CYP2U1: variants seen among roughly 807,000 people sequenced by gnomAD.
CYP2U1 encodes cytochrome P450 family 2 subfamily U member 1, also known as cytochrome P450 2U1.
CYP2U1 carries 28 observed loss-of-function variants against 42.8 expected under a neutral mutation model. The ratio of observed to expected loss-of-function variants is 0.65; its 90% CI spans 0.48 to 0.90. The LOEUF (loss-of-function observed/expected upper bound fraction) is 0.90, where lower values mean the gene tolerates loss of function less well. CYP2U1 is among the 40% of genes least tolerant of loss of function. The probability of loss-of-function intolerance (pLI) is 0.00; values close to 1 mark genes in which losing one functional copy is unlikely to be tolerated. For synonymous variants in CYP2U1, 296 were observed against 278.9 expected, an observed-to-expected ratio of 1.06 and a Z score of -0.61; for missense variants, 642 against 693.8, an observed-to-expected ratio of 0.93 and a Z score of 0.84.
chr4:107,932,378 C>G (rs1307437586), intron 1 of CYP2U1, among the ~76,000 whole-genome samples: 1 of 152,160 alleles, frequency 6.6e-6, no homozygotes, highest in Non-Finnish European at 1.5e-5. Context: ...AAAAGTCATC[C>G]GGAGATTGAG....
At chr4:107,942,883 G>C (rs1212197654) in intron 1 of CYP2U1, among the ~76,000 whole-genome samples, 3 of 152,150 alleles carry the variant, frequency 2.0e-5, no homozygotes, top group African/African-American at 7.2e-5. Context: ...CCCATGGTAG[G>C]AGGAGATTTC....
chr4:107,931,668 C>G lies in CYP2U1; in HGVS notation c.25C>G (p.Pro9Ala). 7.9e-7 allele frequency: 1 copy of G among 1,262,114 alleles called. No individual in the cohort carries two copies. The highest frequency in any genetic ancestry group is 3.1e-5 in the South Asian group (1 of 32,360). 78.2% of individuals were successfully genotyped at this position (1,262,114 alleles called of 1,614,324 possible). A position where few individuals can be genotyped will look rare whatever the true frequency, so the allele number is the denominator to read the frequency against. The change falls in exon 1 of 5, where the codon CCG (proline) becomes GCG (alanine). Residue 9 changes from proline to alanine, a missense_variant. Coordinates refer to ENST00000332884, the MANE Select transcript of CYP2U1 (RefSeq NM_183075.3). Reference protein sequence around the residue: MSSPGPSQPPAEDPPWPAR... With the variant: MSSPGPSQAPAEDPPWPAR... ...CATGTCGTCTCCGGGGCCGTCGCAGCCGCCGGCCGAGGACCCGCCCTGGCC... is the reference window on the plus strand; with the variant it reads ...CATGTCGTCTCCGGGGCCGTCGCAGGCGCCGGCCGAGGACCCGCCCTGGCC...
rs200611321 is a variant in CYP2U1 at position 107,945,408 on chromosome 4, A to G, written c.929A>G (p.Asp310Gly). The G allele has an allele frequency of 6.2e-7, 1 of 1,614,086 alleles. No individual in the cohort carries two copies. The highest frequency in any genetic ancestry group is 2.2e-5 in the East Asian group (1 of 44,874). Residue 310 changes from aspartate (D) to glycine (G), a missense_variant, in exon 2 of 5, where the codon GAT becomes GGT. Transcript: ENST00000332884. ...ATCAAAGACCATCAAGAGTCTCTGG[A>G]TAGAGAGAACCCTCAGGACTTCATA... is the stretch of plus-strand genomic sequence containing the variant. ...KIIKDHQESL[D>G]RENPQDFIDM...
chr4:107,944,852 T>TACATATATATA, intron 1 of CYP2U1, 118 bp from the exon 2 acceptor site: 10 of 98,162 alleles, frequency 1.0e-4, no homozygotes, highest in Non-Finnish European at 1.5e-4. Context: ...ATATATATAT[T>TACATATATATA]TATATGAGGA....
In CYP2U1 at chr4:107,932,140, G is replaced by T; in HGVS notation, c.490+7G>T. On this transcript the variant is annotated splice_region_variant and intron_variant, in intron 1 of 4. Coordinates refer to ENST00000332884, the MANE Select transcript of CYP2U1 (RefSeq NM_183075.3). ...ATCGTGACCAAGGAGAAGGGTGAGC[G>T]GGAGGTCGTGGGCTGTGGGTACGCG... is the stretch of plus-strand genomic sequence containing the variant. 1 of 1,599,304 alleles carries T rather than the reference G, an allele frequency of 6.3e-7. No homozygotes were observed. Among genetic ancestry groups the T allele is most frequent in the Non-Finnish European group, 8.5e-7 (1 of 1,174,214 alleles).
chr4:107,950,519 C>A lies in CYP2U1; in HGVS notation c.*96C>A. 7.7e-7 allele frequency: 1 copy of A among 1,306,772 alleles called. No individual in the cohort carries two copies. Among genetic ancestry groups the A allele is most frequent in the Non-Finnish European group, 1.0e-6 (1 of 978,536 alleles). The allele number at this position is 1,306,772 out of a possible 1,614,324, so 80.9% of individuals were successfully genotyped here. On this transcript the variant is annotated 3_prime_UTR_variant, in exon 5 of 5. Transcript: ENST00000332884. ...GCAAAGGACAGTGAATCCAGCAACTCAGTGGATCCAAGCTGGGCTCAGAGG... is the reference window on the plus strand; with the variant it reads ...GCAAAGGACAGTGAATCCAGCAACTAAGTGGATCCAAGCTGGGCTCAGAGG...
Position 107,947,520 on chromosome 4 carries a change from T to C in CYP2U1, c.1271T>C (p.Met424Thr). The C allele has an allele frequency of 1.2e-6, 2 of 1,614,072 alleles. No homozygotes were observed. Among genetic ancestry groups the C allele is most frequent in the Middle Eastern group, 1.7e-4 (1 of 6,060 alleles). The change falls in exon 3 of 5, where the codon ATG (methionine) becomes ACG (threonine). Residue 424 changes from methionine (M) to threonine (T), a missense_variant. Physicochemically the swap from Met to Thr is moderately conservative, Grantham distance 81 (BLOSUM62 -1). Coordinates refer to ENST00000332884, the MANE Select transcript of CYP2U1 (RefSeq NM_183075.3). ...GTGGTGCCGCTTGCCATTCCTCATA[T>C]GACCTCAGAGAACACAGGCAAGTCC... ...TVVVPLAIPH[M>T]TSENTVLQGY...
In CYP2U1 at chr4:107,931,746, G is replaced by A. The variant is rs1369756290; in HGVS notation, c.103G>A (p.Gly35Ser). ...LGLLRLDPSG[G>S]ALLLCGLVAL... ...GCTGCTGCGGCTGGACCCCAGCGGG[G>A]GCGCGCTGCTGCTATGCGGCCTCGT... Residue 35 changes from glycine to serine, a missense_variant, in exon 1 of 5, where the codon GGC becomes AGC. Coordinates refer to ENST00000332884, the MANE Select transcript of CYP2U1 (RefSeq NM_183075.3). 8 of 1,425,202 alleles carry A rather than the reference G, an allele frequency of 5.6e-6. No homozygotes were observed. The Admixed American group carries it at 2.1e-4, about 38-fold the overall frequency. The allele number at this position is 1,425,202 out of a possible 1,614,324, so 88.3% of individuals were successfully genotyped here. A position where few individuals can be genotyped will look rare whatever the true frequency, so the allele number is the denominator to read the frequency against.
rs1424533307 is a variant in CYP2U1 at position 107,951,275 on chromosome 4, A to C, written c.*852A>C. 1 of 152,140 alleles carries C rather than the reference A, an allele frequency of 6.6e-6. No homozygotes were observed. The highest frequency in any genetic ancestry group is 1.5e-5 in the Non-Finnish European group (1 of 68,018). The allele number at this position is 152,140 out of a possible 1,614,324, so 9.4% of individuals were successfully genotyped here. A position where few individuals can be genotyped will look rare whatever the true frequency, so the allele number is the denominator to read the frequency against. ...TGCAAAGATGCAGCTCTACCTTTTT[A>C]CTTAAGGCCTGAATGGTGAGCATGG... is the stretch of plus-strand genomic sequence containing the variant. On this transcript the variant is annotated 3_prime_UTR_variant, in exon 5 of 5. Coordinates refer to ENST00000332884, the MANE Select transcript of CYP2U1 (RefSeq NM_183075.3).
At chr4:107,946,601 C>G (rs1331877219) in intron 2 of CYP2U1, among the ~76,000 whole-genome samples, 2 of 151,944 alleles carry the variant, frequency 1.3e-5, no homozygotes, top group African/African-American at 4.8e-5. Context: ...TGCTGGGTAG[C>G]AAACTACCCC....
At chr4:107,943,407 T>C (rs553674833) in intron 1 of CYP2U1, among the ~76,000 whole-genome samples, 20 of 152,340 alleles carry the variant, frequency 1.3e-4, no homozygotes, top group African/African-American at 4.8e-4. Flanking sequence ...ACATAATCTT[T>C]AGAAATTCGC....
intron 2 of CYP2U1, 123 bp downstream of exon 2, chr4:107,945,728 T>TG (rs781703373): frequency 9.2e-5 from 117 of 1,270,432 alleles, no homozygotes; most frequent in Non-Finnish European, 1.1e-4. Flanking sequence ...AACAAATACT[T>TG]GCAACTCATA....
In CYP2U1 at chr4:107,931,843, C is replaced by T. The variant is rs1286338215; in HGVS notation, c.200C>T (p.Pro67Leu). ...RGIPPGPTPW[P>L]LVGNFGHVLL... is the part of the protein sequence containing the mutation. ...ATCCCGCCCGGGCCCACGCCCTGGC[C>T]TCTGGTGGGCAACTTCGGTCACGTG... Residue 67 changes from proline to leucine, a missense_variant, in exon 1 of 5, where the codon CCT becomes CTT. Transcript: ENST00000332884. The T allele has an allele frequency of 6.5e-6, 10 of 1,542,042 alleles. No homozygotes were observed. In the East Asian group the frequency reaches 1.7e-4, roughly 27 times the overall value.
In CYP2U1 at chr4:107,932,022, G is replaced by T; in HGVS notation, c.379G>T (p.Val127Leu). 6.4e-7 allele frequency: 1 copy of T among 1,564,214 alleles called. No homozygotes were observed. Among genetic ancestry groups the T allele is most frequent in the Non-Finnish European group, 8.7e-7 (1 of 1,154,808 alleles). Reference sequence around the variant, plus strand: ...CAGCTTCTTTATCGGCCACTACCTGGTGGTGGTCCTCAGCGACTTCCACAG... The same window carrying T: ...CAGCTTCTTTATCGGCCACTACCTGTTGGTGGTCCTCAGCGACTTCCACAG... Reference protein sequence around the residue: ...IFSFFIGHYLVVVLSDFHSVR... With the variant: ...IFSFFIGHYLLVVLSDFHSVR... Residue 127 changes from valine to leucine, a missense_variant, in exon 1 of 5, where the codon GTG becomes TTG. Physicochemically the swap from Val to Leu is conservative, Grantham distance 32. Coordinates refer to ENST00000332884, the MANE Select transcript of CYP2U1 (RefSeq NM_183075.3).
intron 2 of CYP2U1, 117 bp downstream of exon 2, chr4:107,945,722 A>G (rs2126199772): frequency 7.6e-7 from 1 of 1,311,772 alleles, no homozygotes; most frequent in Middle Eastern, 2.3e-4. Flanking sequence ...CTGGCAAACA[A>G]ATACTTGCAA....
At chr4:107,947,844 G>C (rs1733753836) in intron 3 of CYP2U1, among the ~76,000 whole-genome samples, 1 of 152,194 alleles carries the variant, frequency 6.6e-6, no homozygotes, top group South Asian at 2.1e-4. Flanking sequence ...AAAAGCTCCA[G>C]AATTGACAAA....
intron 1 of CYP2U1, chr4:107,936,250 G>A (rs1480446114): frequency 6.6e-6 from 1 of 152,174 alleles, no homozygotes; most frequent in East Asian, 1.9e-4. Flanking sequence ...TCACTCTTAA[G>A]TGTGCTGATA....
Position 107,931,571 on chromosome 4 carries a change from C to A in CYP2U1, c.-73C>A. 1 of 1,211,404 alleles carries A rather than the reference C, an allele frequency of 8.3e-7. No individual in the cohort carries two copies. The highest frequency in any genetic ancestry group is 1.0e-6 in the Non-Finnish European group (1 of 973,956). 75.0% of individuals were successfully genotyped at this position (1,211,404 alleles called of 1,614,324 possible). ...TCCAGAGCAGAGCAGGACACTGGCG[C>A]CGCGGGTCAGGCAGCTGCGTGCGCG... On this transcript the variant is annotated 5_prime_UTR_variant, in exon 1 of 5. Transcript: ENST00000332884.
At chr4:107,936,126 G>A (rs1407681379) in intron 1 of CYP2U1, 2 of 152,134 alleles carry the variant, frequency 1.3e-5, no homozygotes, top group African/African-American at 2.4e-5. Context: ...AAAAACTACA[G>A]TAAACTAGAT....
Sources: allele counts gnomAD v4.1 joint callset (sites outside exome capture counted in the v4.1 genomes callset), GRCh38; gene constraint gnomAD v4.1.1; transcripts MANE v1.5; gene names NCBI Gene and HGNC (gene_info 2026-07-23, HGNC 2026-07-21).